Variants in LGR6 observed in about 807,000 individuals in gnomAD.
LGR6 encodes the protein leucine rich repeat containing G protein-coupled receptor 6.
In LGR6, 45 loss-of-function variants were observed where a neutral mutation model predicts 69.4. The observed-to-expected ratio is 0.65, with a 90% CI of 0.51 to 0.83. The LOEUF is 0.83. Among genes scored for constraint, LGR6 ranks in the 40% least tolerant of loss-of-function variants. LGR6 has a pLI of 0.00. For missense variants in LGR6, 1,108 were observed against 1,246.7 expected (o/e 0.89, Z 1.68); for synonymous variants, 538 against 555.0 (o/e 0.97, Z 0.43).
intron 4 of LGR6, among the ~76,000 whole-genome samples, chr1:202,250,668 T>A (rs1331957211): frequency 1.3e-5 from 2 of 152,060 alleles, no homozygotes; most frequent in Non-Finnish European, 2.9e-5. Context: ...CCTCCTACAG[T>A]GCTGGGATTA....
At chr1:202,204,670 CGCCTCCAA>C (rs1659022089) in intron 1 of LGR6, among the ~76,000 whole-genome samples, 1 of 12,002 alleles carries the variant, frequency 8.3e-5, no homozygotes, top group South Asian at 2.3e-3. Flanking sequence ...AACACACACA[CGCCTCCAA>C]ACACACACAC....
chr1:202,304,745 C>CCT, intron 11 of LGR6, 115 bp downstream of exon 11: 4 of 763,508 alleles, frequency 5.2e-6, no homozygotes, highest in African/African-American at 1.7e-5. Context: ...GAGAATGGAG[C>CCT]AGCATAGGCT....
intron 4 of LGR6, among the ~76,000 whole-genome samples, chr1:202,261,946 G>A (rs1474930984): frequency 6.6e-6 from 1 of 152,076 alleles, no homozygotes; most frequent in Non-Finnish European, 1.5e-5. Flanking sequence ...TTTTTTTCTT[G>A]TAAATTTGTT....
At chr1:202,240,124 G>T (rs916947423) in intron 4 of LGR6, among the ~76,000 whole-genome samples, 2 of 152,142 alleles carry the variant, frequency 1.3e-5, no homozygotes, top group African/African-American at 4.8e-5. Flanking sequence ...TGTAATCCCA[G>T]CCCTTTGGGA....
At chr1:202,311,781 G>A (rs761645883) in intron 16 of LGR6, among the ~76,000 whole-genome samples, 5 of 152,240 alleles carry the variant, frequency 3.3e-5, no homozygotes, top group Non-Finnish European at 7.3e-5. Context: ...CTGAGGACTG[G>A]TGCCTTCTGG....
At chr1:202,253,202 G>A (rs955385617) in intron 4 of LGR6, among the ~76,000 whole-genome samples, 7 of 152,112 alleles carry the variant, frequency 4.6e-5, no homozygotes, top group African/African-American at 1.7e-4. Context: ...TATAAACTAG[G>A]AATAACAAAG....
intron 3 of LGR6, 83 bp from the exon 4 acceptor site, chr1:202,235,839 G>A: frequency 8.5e-7 from 1 of 1,170,902 alleles, no homozygotes; most frequent in South Asian, 1.2e-5. Flanking sequence ...GCTTGGGACT[G>A]GGGGTTCAAG....
At chr1:202,248,235 T>G (rs1487579372) in intron 4 of LGR6, among the ~76,000 whole-genome samples, 1 of 152,184 alleles carries the variant, frequency 6.6e-6, no homozygotes, top group African/African-American at 2.4e-5. Flanking sequence ...TAAGTCCAAC[T>G]GACTCTTTTA....
At chr1:202,233,358 A>AG (rs1162816962) in intron 3 of LGR6, among the ~76,000 whole-genome samples, 1 of 151,954 alleles carries the variant, frequency 6.6e-6, no homozygotes, top group East Asian at 1.9e-4. Context: ...GGGCCCCTGG[A>AG]GGGGTGGGGC....
intron 4 of LGR6, among the ~76,000 whole-genome samples, chr1:202,245,986 CCATT>C (rs1231241356): frequency 2.0e-5 from 3 of 148,338 alleles, no homozygotes; most frequent in Admixed American, 6.7e-5. Context: ...CTTCATCTAT[CCATT>C]CATCCATCCC....
In LGR6 at chr1:202,193,801, T is replaced by G. The variant is rs1488530439; in HGVS notation, c.-189T>G. ...TGTGAAACTGAATAACGAAGATCAC[T>G]CAACAATGCCTGCCCCTCTCTGACT... On this transcript the variant is annotated 5_prime_UTR_variant, in exon 1 of 18. Coordinates refer to ENST00000367278, the MANE Select transcript of LGR6 (RefSeq NM_001017403.2). 1 of 294,528 alleles carries G rather than the reference T, an allele frequency of 3.4e-6. No homozygotes were observed. The highest frequency in any genetic ancestry group is 2.2e-5 in the African/African-American group (1 of 45,248). 18.2% of individuals were successfully genotyped at this position (294,528 alleles called of 1,614,324 possible). A position where few individuals can be genotyped will look rare whatever the true frequency, so the allele number is the denominator to read the frequency against.
At chr1:202,302,665 G>A (rs1192303102) in intron 9 of LGR6, among the ~76,000 whole-genome samples, 14 of 152,082 alleles carry the variant, frequency 9.2e-5, no homozygotes. Flanking sequence ...TCCTGCCTCA[G>A]CCTCCCGAGT....
chr1:202,257,525 A>G (rs898076024), intron 4 of LGR6, among the ~76,000 whole-genome samples: 2 of 152,134 alleles, frequency 1.3e-5, no homozygotes, highest in Non-Finnish European at 2.9e-5. Flanking sequence ...AGATATCCAC[A>G]TGTTCCAGCA....
intron 16 of LGR6, among the ~76,000 whole-genome samples, chr1:202,314,314 C>G (rs1282656121): frequency 6.6e-6 from 1 of 152,206 alleles, no homozygotes; most frequent in African/African-American, 2.4e-5. Context: ...GACTGTTTCT[C>G]TCACAAATGG....
chr1:202,284,601 G>A (rs1571963168), intron 6 of LGR6, among the ~76,000 whole-genome samples: 1 of 152,240 alleles, frequency 6.6e-6, no homozygotes, highest in East Asian at 1.9e-4. Context: ...AACATTTCTA[G>A]GAAGGTTTTC....
rs1667533904 is a variant in LGR6, at chr1:202,300,846, CA to C, written c.786-2del. 2 of 1,606,646 alleles carry C rather than the reference CA, an allele frequency of 1.2e-6. No individual in the cohort carries two copies. On this transcript the variant is annotated splice_acceptor_variant, in intron 7 of 17. Transcript: ENST00000367278. LOFTEE classifies it high-confidence loss of function. ...CTCACTGGTTCCTGGTGTTGTCTTC[CA>C]GGGGGTTCCATAACAACAACATCAA...
rs190450834 is a variant in LGR6 at position 202,200,919 on chromosome 1, G to A, written c.212+6718G>A. Among the ~76,000 whole-genome samples the A allele has an allele frequency of 3.7e-3, 565 of 152,296 alleles. 9 individuals carry two copies. The highest frequency in any genetic ancestry group is 0.013 in the African/African-American group (541 of 41,560). On this transcript the variant is annotated intron_variant, in intron 1 of 17. Transcript: ENST00000367278. ...GGCCATGGGCAGGCCGGCGGCTGGC[G>A]GGTTGGAGGGGAGCTGGGCCCGGCT...
chr1:202,193,887 C>T lies in LGR6; in HGVS notation c.-103C>T, dbSNP rs1001062905. The T allele has an allele frequency of 3.6e-4, 252 of 695,784 alleles. 1 individual carries two copies. Among genetic ancestry groups the T allele is most frequent in the Non-Finnish European group, 4.7e-4 (239 of 508,656 alleles). The allele number at this position is 695,784 out of a possible 1,614,324, so 43.1% of individuals were successfully genotyped here. Reference sequence around the variant, plus strand: ...CCCAATAGAGCCCCTGGGGCGGTCCCCACCGACGGTGCAGCCCGCCGGGAC... The same window carrying T: ...CCCAATAGAGCCCCTGGGGCGGTCCTCACCGACGGTGCAGCCCGCCGGGAC... On this transcript the variant is annotated 5_prime_UTR_variant, in exon 1 of 18. Transcript: ENST00000367278.
chr1:202,208,793 T>A (rs946557594), intron 1 of LGR6, among the ~76,000 whole-genome samples: 1 of 152,024 alleles, frequency 6.6e-6, no homozygotes, highest in Non-Finnish European at 1.5e-5. Flanking sequence ...AAAGGCACCA[T>A]GTTGCGGGGC....
Sources: gnomAD v4.1 joint callset for allele counts (sites outside exome capture counted in the v4.1 genomes callset) on GRCh38, gnomAD v4.1.1 for gene constraint, MANE v1.5 for transcripts, NCBI Gene and HGNC (gene_info 2026-07-23, HGNC 2026-07-21) for gene names.